The following WWOX variants were observed in gnomAD, a reference collection of about 807,000 sequenced individuals.
WWOX encodes the protein WW domain-containing oxidoreductase.
In WWOX, 69 loss-of-function variants were observed where a neutral mutation model predicts 46.2. The observed-to-expected ratio is 1.49, with a 90% CI of 1.23 to 1.82. WWOX has a LOEUF of 1.82. WWOX is among the 40% of genes most tolerant of loss of function. The probability of loss-of-function intolerance (pLI) is 0.00; values close to 1 mark genes in which losing one functional copy is unlikely to be tolerated. For missense variants in WWOX, 919 were observed against 542.6 expected, an observed-to-expected ratio of 1.69 and a Z score of -6.89; for synonymous variants, 359 against 202.6, an observed-to-expected ratio of 1.77 and a Z score of -6.56.
intron 8 of WWOX, among the ~76,000 whole-genome samples, chr16:79,013,680 C>A (rs1236643304): frequency 6.6e-6 from 1 of 152,324 alleles, no homozygotes; most frequent in South Asian, 2.1e-4. Context: ...ATACACTAAT[C>A]TACCCAAGTT....
intron 5 of WWOX, among the ~76,000 whole-genome samples, chr16:78,323,246 A>T (rs1284954771): frequency 6.6e-6 from 1 of 152,068 alleles, no homozygotes; most frequent in African/African-American, 2.4e-5. Flanking sequence ...AGGTGGGACT[A>T]CAGGCCCCCG....
intron 5 of WWOX, among the ~76,000 whole-genome samples, chr16:78,174,293 G>C (rs1047329021): frequency 6.6e-6 from 1 of 152,078 alleles, no homozygotes; most frequent in Non-Finnish European, 1.5e-5. Context: ...AGAAGCAAAA[G>C]CAGAAACTGC....
intron 8 of WWOX, among the ~76,000 whole-genome samples, chr16:78,508,094 G>T (rs2085261678): frequency 6.6e-6 from 1 of 151,684 alleles, no homozygotes; most frequent in African/African-American, 2.4e-5. Context: ...TGCATCCTCT[G>T]CCTCCCAGGT....
intron 8 of WWOX, among the ~76,000 whole-genome samples, chr16:78,548,159 A>C (rs2044087892): frequency 1.4e-5 from 1 of 70,932 alleles, no homozygotes; most frequent in African/African-American, 3.4e-5. Flanking sequence ...TCTCAAAAAA[A>C]AAAAAAAAAA....
chr16:78,908,889 A>G (rs2151252396), intron 8 of WWOX, among the ~76,000 whole-genome samples: 1 of 152,310 alleles, frequency 6.6e-6, no homozygotes, highest in East Asian at 1.9e-4. Context: ...CCCTGGAGCA[A>G]TTTGGGGAGG....
At chr16:78,983,798 G>A (rs955490337) in intron 8 of WWOX, among the ~76,000 whole-genome samples, 1 of 151,824 alleles carries the variant, frequency 6.6e-6, no homozygotes, top group African/African-American at 2.4e-5. Flanking sequence ...ATCTCCTACA[G>A]CAGGTGGAGT....
Position 78,550,998 on chromosome 16 carries a change from C to T in WWOX, c.1056+118246C>T, listed in dbSNP as rs1030626172. The T allele has an allele frequency of 3.2e-4, 49 of 152,230 alleles. 1 individual carries two copies. The highest frequency in any genetic ancestry group is 4.7e-4 in the Non-Finnish European group (32 of 68,024). 9.4% of individuals were successfully genotyped at this position (152,230 alleles called of 1,614,324 possible). On this transcript the variant is annotated intron_variant, in intron 8 of 8. Transcript: ENST00000566780. ...CATTGCATGTTAGGATTCTGAGTAA[C>T]AGTCAATATATTCAGTGAAACAAAT...
chr16:78,739,219 G>A (rs917896799), intron 8 of WWOX, among the ~76,000 whole-genome samples: 1 of 152,130 alleles, frequency 6.6e-6, no homozygotes, highest in Non-Finnish European at 1.5e-5. Context: ...TGTGTTTGCC[G>A]AATGAAAGTG....
intron 8 of WWOX, among the ~76,000 whole-genome samples, chr16:79,062,221 T>A (rs1314190909): frequency 2.0e-5 from 3 of 152,168 alleles, no homozygotes; most frequent in Non-Finnish European, 4.4e-5. Context: ...CGTAAGTGTA[T>A]CTTACAGTTT....
chr16:78,448,593 T>A (rs991747572), intron 8 of WWOX, among the ~76,000 whole-genome samples: 1 of 152,108 alleles, frequency 6.6e-6, no homozygotes, highest in South Asian at 2.1e-4. Flanking sequence ...CTTTATTCAA[T>A]GGCCATGGAA....
intron 8 of WWOX, among the ~76,000 whole-genome samples, chr16:79,064,088 G>A (rs776277562): frequency 6.6e-6 from 1 of 152,222 alleles, no homozygotes; most frequent in Non-Finnish European, 1.5e-5. Flanking sequence ...ACAGCAACAT[G>A]TCTAGTGTTT....
At chr16:78,670,362 C>T (rs1324702022) in intron 8 of WWOX, among the ~76,000 whole-genome samples, 1 of 152,206 alleles carries the variant, frequency 6.6e-6, no homozygotes, top group Non-Finnish European at 1.5e-5. Flanking sequence ...GACCCTGGTT[C>T]ATCCCGGAAA....
chr16:78,504,829 G>A (rs1011620997), intron 8 of WWOX, among the ~76,000 whole-genome samples: 1 of 152,044 alleles, frequency 6.6e-6, no homozygotes, highest in African/African-American at 2.4e-5. Flanking sequence ...TCTGTGGTAG[G>A]CAACAGCTGG....
rs555368035 is a variant in WWOX, at chr16:78,597,318, T to A, written c.1056+164566T>A. Among the ~76,000 whole-genome samples the A allele has an allele frequency of 5.6e-4, 85 of 152,192 alleles. 1 individual carries two copies. Among genetic ancestry groups the A allele is most frequent in the Non-Finnish European group, 8.8e-4 (60 of 68,030 alleles). ...ACGGATACTATTAGCACCTACTGTG[T>A]GCCGGGCACTGTACTTGGGGCCATA... On this transcript the variant is annotated intron_variant, in intron 8 of 8. Transcript: ENST00000566780.
intron 5 of WWOX, among the ~76,000 whole-genome samples, chr16:78,241,927 G>A (rs752162870): frequency 2.6e-5 from 4 of 152,150 alleles, no homozygotes; most frequent in Non-Finnish European, 5.9e-5. Context: ...GGCTTTTGAG[G>A]CAGACAAATG....
chr16:78,590,146 G>GTCTCTGTC lies in WWOX; in HGVS notation c.1056+157399_1056+157400insGTCTCTCT, dbSNP rs1555569770. On this transcript the variant is annotated intron_variant, in intron 8 of 8. Transcript: ENST00000566780. ...ATGTCTGATAGATATTAGGCATTCAGTCTCTCTCTCTCTCTCTGTTTATTA... is the reference window on the plus strand; with the variant it reads ...ATGTCTGATAGATATTAGGCATTCAGTCTCTGTCTCTCTCTCTCTCTCTCTGTTTATTA... Among the ~76,000 whole-genome samples the GTCTCTGTC allele has an allele frequency of 6.6e-3, 995 of 149,726 alleles. 11 individuals are homozygous for GTCTCTGTC. Among genetic ancestry groups the GTCTCTGTC allele is most frequent in the Middle Eastern group, 0.021 (6 of 288 alleles).
chr16:79,063,968 G>C (rs925925767), intron 8 of WWOX, among the ~76,000 whole-genome samples: 1 of 152,168 alleles, frequency 6.6e-6, no homozygotes, highest in Non-Finnish European at 1.5e-5. Flanking sequence ...TAGAACCCCA[G>C]ATTTTCCTGG....
chr16:78,180,422 C>G (rs1035944397), intron 5 of WWOX, among the ~76,000 whole-genome samples: 3 of 151,794 alleles, frequency 2.0e-5, no homozygotes, highest in African/African-American at 7.3e-5. Context: ...CCAGCTGCAC[C>G]CAAGAGTAGG....
chr16:78,472,836 A>AAAAAAAT (rs1421843878), intron 8 of WWOX, among the ~76,000 whole-genome samples: 3 of 135,532 alleles, frequency 2.2e-5, no homozygotes. Context: ...AAAAAAAAAA[A>AAAAAAAT]TTATGTCATT....
Sources: gnomAD v4.1 joint callset for allele counts (sites outside exome capture counted in the v4.1 genomes callset) on GRCh38, gnomAD v4.1.1 for gene constraint, MANE v1.5 for transcripts, NCBI Gene and HGNC (gene_info 2026-07-23, HGNC 2026-07-21) for gene names.